MYO1D: variants seen among roughly 807,000 people sequenced by gnomAD.
The protein encoded by MYO1D is unconventional myosin-Id.
Under a neutral mutation model 122.0 loss-of-function variants are expected in MYO1D, and 83 were observed. That is an observed-to-expected ratio of 0.68 (90% CI 0.57 to 0.82). MYO1D has a LOEUF of 0.82. MYO1D is among the 40% of genes least tolerant of loss of function. The pLI is 0.00. For synonymous variants in MYO1D, 464 were observed against 446.9 expected (o/e 1.04, Z -0.48); for missense variants, 1,157 against 1,269.5 (o/e 0.91, Z 1.35).
chr17:32,806,869 GA>G (rs1417969200), intron 1 of MYO1D, among the ~76,000 whole-genome samples: 3 of 152,152 alleles, frequency 2.0e-5, no homozygotes, highest in Admixed American at 2.0e-4. Context: ...GCATATTCAG[GA>G]AAGGAGTGGT....
intron 21 of MYO1D, chr17:32,529,806 G>C (rs1370796337): frequency 6.6e-6 from 1 of 152,234 alleles, no homozygotes; most frequent in Non-Finnish European, 1.5e-5. Flanking sequence ...CCTTCCAAGA[G>C]GCTCTCCAGG....
At chr17:32,523,026 A>G (rs1910209441) in intron 21 of MYO1D, among the ~76,000 whole-genome samples, 1 of 152,202 alleles carries the variant, frequency 6.6e-6, no homozygotes. Flanking sequence ...CATGTTAGCC[A>G]GGATGGTCTC....
chr17:32,768,832 G>A (rs1209450441), intron 6 of MYO1D, among the ~76,000 whole-genome samples: 1 of 152,198 alleles, frequency 6.6e-6, no homozygotes, highest in African/African-American at 2.4e-5. Context: ...AGCAGTATCA[G>A]ATATTACTAT....
intron 21 of MYO1D, among the ~76,000 whole-genome samples, chr17:32,547,807 G>A (rs969696829): frequency 7.9e-5 from 12 of 151,944 alleles, no homozygotes; most frequent in African/African-American, 2.2e-4. Context: ...AAAATTAGCC[G>A]GGCGTGGTGG....
intron 21 of MYO1D, 92 bp from the exon 22 acceptor site, chr17:32,495,007 C>T (rs938397055): frequency 4.3e-6 from 6 of 1,399,340 alleles, no homozygotes; most frequent in South Asian, 1.4e-5. Context: ...TTGGCTCCGG[C>T]GCAGCCTGCT....
intron 1 of MYO1D, among the ~76,000 whole-genome samples, chr17:32,826,556 C>T (rs1308471689): frequency 6.6e-6 from 1 of 152,134 alleles, no homozygotes; most frequent in East Asian, 1.9e-4. Flanking sequence ...AATCTGAAAT[C>T]TAACAAAACT....
chr17:32,812,623 T>C (rs2090581873), intron 1 of MYO1D, among the ~76,000 whole-genome samples: 1 of 144,480 alleles, frequency 6.9e-6, no homozygotes, highest in Non-Finnish European at 1.5e-5. Flanking sequence ...ACAAGTAGAG[T>C]ACCAGGTCAA....
At chr17:32,800,469 C>T (rs2090451518) in intron 1 of MYO1D, among the ~76,000 whole-genome samples, 1 of 151,942 alleles carries the variant, frequency 6.6e-6, no homozygotes, top group Non-Finnish European at 1.5e-5. Context: ...ACCACATGAC[C>T]ACACTTACAT....
At chr17:32,571,880 T>C (rs16967426) in intron 21 of MYO1D, among the ~76,000 whole-genome samples, 3,576 of 152,326 alleles carry the variant, frequency 0.023, 56 homozygotes, top group Middle Eastern at 0.054. Context: ...CTGGTTCTTT[T>C]GTGCTTGCTT....
At chr17:32,857,742 C>G (rs976070956) in intron 1 of MYO1D, among the ~76,000 whole-genome samples, 5 of 152,214 alleles carry the variant, frequency 3.3e-5, no homozygotes, top group Non-Finnish European at 4.4e-5. Context: ...CACATTCCAG[C>G]ATTCAGCCCA....
In MYO1D at chr17:32,806,303, T is replaced by C. The variant is rs1471106404; in HGVS notation, c.96-25519A>G. Among the ~76,000 whole-genome samples, 4 of 152,194 alleles carry C rather than the reference T, an allele frequency of 2.6e-5. No individual in the cohort carries two copies. In the East Asian group the frequency reaches 5.8e-4, roughly 22 times the overall value. ...AAAAAAAAGTAACCTTATCACACCA[T>C]ACCTAAGGTGTTATGTTGTTTGTTT... On this transcript the variant is annotated intron_variant, in intron 1 of 21. Transcript: ENST00000318217.
At chr17:32,757,302 G>C (rs1215597460) in intron 10 of MYO1D, among the ~76,000 whole-genome samples, 1 of 151,992 alleles carries the variant, frequency 6.6e-6, no homozygotes, top group Non-Finnish European at 1.5e-5. Flanking sequence ...AGGGGAATAG[G>C]GGGAATTTTG....
At chr17:32,507,984 C>T (rs1909557931) in intron 21 of MYO1D, among the ~76,000 whole-genome samples, 2 of 151,396 alleles carry the variant, frequency 1.3e-5, no homozygotes, top group Admixed American at 6.6e-5. Context: ...GCATCCTCTG[C>T]CTCCTGGGTT....
chr17:32,507,813 C>T (rs911398852), intron 21 of MYO1D, among the ~76,000 whole-genome samples: 1 of 152,046 alleles, frequency 6.6e-6, no homozygotes, highest in African/African-American at 2.4e-5. Flanking sequence ...TCTCTCTCCC[C>T]ACCACGTGAG....
At chr17:32,801,488 G>A (rs184725687) in intron 1 of MYO1D, among the ~76,000 whole-genome samples, 3 of 152,176 alleles carry the variant, frequency 2.0e-5, no homozygotes, top group Admixed American at 1.3e-4. Context: ...CTGCATGGCA[G>A]GGGGAGTGGA....
At chr17:32,723,772 A>C (rs994331164) in intron 14 of MYO1D, among the ~76,000 whole-genome samples, 21 of 152,304 alleles carry the variant, frequency 1.4e-4, no homozygotes, top group Admixed American at 1.3e-3. Context: ...AGCTGACTGC[A>C]GCTGCTTGGT....
intron 1 of MYO1D, among the ~76,000 whole-genome samples, chr17:32,847,243 C>T (rs1016361902): frequency 1.3e-5 from 2 of 152,156 alleles, no homozygotes; most frequent in Non-Finnish European, 2.9e-5. Flanking sequence ...AATGGAACAT[C>T]AGTACCAAAA....
At chr17:32,522,095 A>G (rs1357203607) in intron 21 of MYO1D, among the ~76,000 whole-genome samples, 1 of 151,324 alleles carries the variant, frequency 6.6e-6, no homozygotes, top group African/African-American at 2.4e-5. Context: ...AAAAAAAAAA[A>G]AAAAAAAAAA....
At chr17:32,599,916 G>C (rs9904686) in intron 21 of MYO1D, among the ~76,000 whole-genome samples, 5,528 of 152,282 alleles carry the variant, frequency 0.036, 341 homozygotes, top group African/African-American at 0.13. Flanking sequence ...GCCTCCAAAA[G>C]TGTTGGGATT....
Sources: gnomAD v4.1 joint callset for allele counts (sites outside exome capture counted in the v4.1 genomes callset) on GRCh38, gnomAD v4.1.1 for gene constraint, MANE v1.5 for transcripts, NCBI Gene and HGNC (gene_info 2026-07-23, HGNC 2026-07-21) for gene names.